Variants in ADAMTS20 observed in about 807,000 individuals in gnomAD.
The protein encoded by ADAMTS20 is A disintegrin and metalloproteinase with thrombospondin motifs 20.
Under a neutral mutation model 260.1 loss-of-function variants are expected in ADAMTS20, and 225 were observed. That is an observed-to-expected ratio of 0.87 (90% CI 0.78 to 0.97). The LOEUF (loss-of-function observed/expected upper bound fraction) is 0.97, where lower values mean the gene tolerates loss of function less well. ADAMTS20 is among the 50% of genes least tolerant of loss of function. ADAMTS20 has a pLI of 0.00. For synonymous variants in ADAMTS20, 802 were observed against 769.5 expected (o/e 1.04, Z -0.70); for missense variants, 2,400 against 2,337.7 (o/e 1.03, Z -0.55).
chr12:43,462,435 G>T (rs1306733823), intron 11 of ADAMTS20, among the ~76,000 whole-genome samples: 2 of 152,142 alleles, frequency 1.3e-5, no homozygotes, highest in Non-Finnish European at 2.9e-5. Context: ...GTAGGTGGTT[G>T]ATTTTAGCGG....
At chr12:43,538,896 G>A (rs1012553584) in intron 2 of ADAMTS20, among the ~76,000 whole-genome samples, 5 of 149,374 alleles carry the variant, frequency 3.3e-5, no homozygotes, top group Admixed American at 3.3e-4. Context: ...GAAGTACCTG[G>A]TTTTTTCTCA....
At chr12:43,465,216 C>T (rs1942133281) in intron 9 of ADAMTS20, among the ~76,000 whole-genome samples, 1 of 152,034 alleles carries the variant, frequency 6.6e-6, no homozygotes, top group African/African-American at 2.4e-5. Flanking sequence ...GCTGTCTCCA[C>T]CTCAAGAGGT....
At chr12:43,440,149 T>A (rs1258438217) in intron 16 of ADAMTS20, 80 bp from the exon 17 acceptor site, 1 of 955,486 alleles carries the variant, frequency 1.0e-6, no homozygotes, top group Non-Finnish European at 1.5e-6. Flanking sequence ...CTTTTTTTTT[T>A]TTTTTTTTTT....
Position 43,383,860 on chromosome 12 carries a change from G to C in ADAMTS20, c.4570C>G (p.Arg1524Gly), listed in dbSNP as rs186549011. 1 of 1,613,550 alleles carries C rather than the reference G, an allele frequency of 6.2e-7. No homozygotes were observed. Among genetic ancestry groups the C allele is most frequent in the Admixed American group, 1.7e-5 (1 of 59,974 alleles). Residue 1524 changes from arginine to glycine, a missense_variant, in exon 30 of 39, where the codon CGA becomes GGA. Coordinates refer to ENST00000389420, the MANE Select transcript of ADAMTS20 (RefSeq NM_025003.5). Reference sequence around the variant, plus strand: ...TGCACACAGTCCTGACTCCAACATCGCCTCTGAGAACAAGGTCGGGTGGAC... The same window carrying C: ...TGCACACAGTCCTGACTCCAACATCCCCTCTGAGAACAAGGTCGGGTGGAC... ...DQSTRPCSQR[R>G]CWSQDCVQHK...
intron 29 of ADAMTS20, among the ~76,000 whole-genome samples, chr12:43,389,043 C>A (rs1940543602): frequency 6.6e-6 from 1 of 152,204 alleles, no homozygotes; most frequent in Non-Finnish European, 1.5e-5. Flanking sequence ...AAGAACACAA[C>A]CATTCAGATC....
chr12:43,540,149 C>T (rs778572261), intron 2 of ADAMTS20, among the ~76,000 whole-genome samples: 3 of 152,144 alleles, frequency 2.0e-5, no homozygotes, highest in East Asian at 3.8e-4. Context: ...GGATTACAGG[C>T]GTTAGCCACC....
At chr12:43,359,030 C>G (rs1177630141) in intron 37 of ADAMTS20, among the ~76,000 whole-genome samples, 1 of 151,930 alleles carries the variant, frequency 6.6e-6, no homozygotes, top group Non-Finnish European at 1.5e-5. Flanking sequence ...GTTCAACATA[C>G]GAGGTCCTCT....
chr12:43,432,234 A>T, intron 21 of ADAMTS20, 70 bp downstream of exon 21: 2 of 1,464,780 alleles, frequency 1.4e-6, no homozygotes, highest in Non-Finnish European at 9.2e-7. Context: ...TAAATTTTGT[A>T]AAGTCTTAGA....
intron 28 of ADAMTS20, among the ~76,000 whole-genome samples, chr12:43,419,698 G>T (rs2137285635): frequency 6.6e-6 from 1 of 151,648 alleles, no homozygotes; most frequent in African/African-American, 2.4e-5. Flanking sequence ...ATTTTATACT[G>T]TACATTCCAA....
chr12:43,466,601 C>G (rs1942156447), intron 9 of ADAMTS20, 51 bp downstream of exon 9: 15 of 1,531,926 alleles, frequency 9.8e-6, no homozygotes, highest in Non-Finnish European at 1.2e-5. Flanking sequence ...ATATCAATTT[C>G]AAATCTTATA....
chr12:43,505,711 G>T (rs1274326238), intron 3 of ADAMTS20, among the ~76,000 whole-genome samples: 1 of 152,144 alleles, frequency 6.6e-6, no homozygotes, highest in Non-Finnish European at 1.5e-5. Flanking sequence ...TTGTAAAATG[G>T]TATAACCACT....
intron 7 of ADAMTS20, among the ~76,000 whole-genome samples, chr12:43,471,007 T>A (rs190265803): frequency 3.8e-3 from 575 of 152,258 alleles, no homozygotes; most frequent in Non-Finnish European, 5.2e-3. Flanking sequence ...TAGGAACAGC[T>A]CCGGTCTACA....
chr12:43,465,466 T>G (rs887930076), intron 9 of ADAMTS20, among the ~76,000 whole-genome samples: 1 of 152,116 alleles, frequency 6.6e-6, no homozygotes, highest in Admixed American at 6.5e-5. Context: ...TACTCCTAAT[T>G]TACCATGCAA....
In ADAMTS20 at chr12:43,551,299, C is replaced by T. The variant is rs1283419218; in HGVS notation, c.92-29G>A. 2 of 1,593,560 alleles carry T rather than the reference C, an allele frequency of 1.3e-6. No homozygotes were observed. Among genetic ancestry groups the T allele is most frequent in the African/African-American group, 1.3e-5 (1 of 74,538 alleles). ...CAACAACAGCGACAGGACCAGTGAG[C>T]TCCCACGCGTTCCTCATTGTCCAAC... is the stretch of plus-strand genomic sequence containing the variant. On this transcript the variant is annotated intron_variant, in intron 1 of 38. Coordinates refer to ENST00000389420, the MANE Select transcript of ADAMTS20 (RefSeq NM_025003.5). The surrounding 1 kb of genome is among the most constrained non-coding windows in gnomAD (Gnocchi z 4.6).
At chr12:43,463,034 A>T in intron 10 of ADAMTS20, 35 bp from the exon 11 acceptor site, 1 of 1,431,410 alleles carries the variant, frequency 7.0e-7, no homozygotes, top group Non-Finnish European at 9.7e-7. Flanking sequence ...AGCCAGTGTA[A>T]AGATAACACC....
At chr12:43,388,395 C>G (rs892842069) in intron 29 of ADAMTS20, among the ~76,000 whole-genome samples, 1 of 152,188 alleles carries the variant, frequency 6.6e-6, no homozygotes, top group Non-Finnish European at 1.5e-5. Context: ...CTGGGTACCT[C>G]AGTTGGAAAT....
chr12:43,365,450 C>T (rs766027378), intron 37 of ADAMTS20, among the ~76,000 whole-genome samples: 2 of 151,860 alleles, frequency 1.3e-5, no homozygotes, highest in African/African-American at 2.4e-5. Flanking sequence ...TATTATTGAC[C>T]TGTAATATAT....
chr12:43,421,361 C>A (rs1054874010), intron 28 of ADAMTS20, among the ~76,000 whole-genome samples: 3 of 149,100 alleles, frequency 2.0e-5, no homozygotes, highest in Non-Finnish European at 3.0e-5. Context: ...AATATATATT[C>A]TCTTCCCTAC....
At position 43,492,377 on chromosome 12, in the gene ADAMTS20, C is replaced by T. The variant is rs1162742925; in HGVS notation, c.1076+128G>A. ...CCTGGGCGACAGAGCGAGACTCTGT[C>T]TCAAAAAAAAAAGAAAAAGAAAAAG... is the stretch of plus-strand genomic sequence containing the variant. On this transcript the variant is annotated intron_variant, in intron 6 of 38. Coordinates refer to ENST00000389420, the MANE Select transcript of ADAMTS20 (RefSeq NM_025003.5). 11 of 1,146,914 alleles carry T rather than the reference C, an allele frequency of 9.6e-6. No homozygotes were observed. The African/African-American group carries it at 1.2e-4, about 13-fold the overall frequency. The allele number at this position is 1,146,914 out of a possible 1,614,324, so 71.0% of individuals were successfully genotyped here.
Sources: allele counts gnomAD v4.1 joint callset (sites outside exome capture counted in the v4.1 genomes callset), GRCh38; gene constraint gnomAD v4.1.1; non-coding constraint Gnocchi (gnomAD v3.1); transcripts MANE v1.5; gene names NCBI Gene and HGNC (gene_info 2026-07-23, HGNC 2026-07-21).